Variants in ACBD7 observed in about 807,000 individuals in gnomAD.
The protein encoded by ACBD7 is acyl-CoA binding domain containing 7.
ACBD7 carries 11 observed loss-of-function variants against 13.7 expected under a neutral mutation model. The ratio of observed to expected loss-of-function variants is 0.80; its 90% CI spans 0.50 to 1.33. The LOEUF (loss-of-function observed/expected upper bound fraction) is 1.33, where lower values mean the gene tolerates loss of function less well. Among genes scored for constraint, ACBD7 ranks in the 40% most tolerant of loss-of-function variants. The pLI, the probability that ACBD7 is intolerant of heterozygous loss-of-function variation, is 0.00. For synonymous variants in ACBD7, 43 were observed against 37.7 expected (o/e 1.14, Z -0.51); for missense variants, 111 against 103.0 (o/e 1.08, Z -0.33).
Position 15,076,953 on chromosome 10 carries a change from G to A in ACBD7, c.*1577C>T, listed in dbSNP as rs1193633241. On this transcript the variant is annotated 3_prime_UTR_variant, in exon 4 of 4. Transcript: ENST00000356189. ...TCTAAAAAGTCAAAAAACAACAGAT[G>A]TGGAGAAAAGGGAATGCTTATACAC... is the stretch of plus-strand genomic sequence containing the variant. 1 of 981,988 alleles carries A rather than the reference G, an allele frequency of 1.0e-6. No homozygotes were observed. Among genetic ancestry groups the A allele is most frequent in the Non-Finnish European group, 1.2e-6 (1 of 826,842 alleles). 60.8% of individuals were successfully genotyped at this position (981,988 alleles called of 1,614,324 possible). A position where few individuals can be genotyped will look rare whatever the true frequency, so the allele number is the denominator to read the frequency against.
intron 1 of ACBD7, among the ~76,000 whole-genome samples, chr10:15,088,044 AT>A (rs1483022893): frequency 1.3e-5 from 2 of 152,168 alleles, no homozygotes; most frequent in African/African-American, 2.4e-5. Flanking sequence ...ATATTTAATA[AT>A]GAGAAAATGC....
chr10:15,082,023 C>T (rs1464961802), intron 1 of ACBD7, among the ~76,000 whole-genome samples: 3 of 152,200 alleles, frequency 2.0e-5, no homozygotes, highest in Non-Finnish European at 4.4e-5. Flanking sequence ...CGCAGTGGCT[C>T]ACACCTGTAA....
intron 1 of ACBD7, among the ~76,000 whole-genome samples, chr10:15,084,053 C>T (rs530134970): frequency 6.6e-6 from 1 of 152,242 alleles, no homozygotes; most frequent in Non-Finnish European, 1.5e-5. Flanking sequence ...CGGGAAGGTA[C>T]GGAACGGAAA....
In ACBD7 at chr10:15,078,970, T is replaced by C; in HGVS notation, c.83A>G (p.Glu28Gly). The change falls in exon 2 of 4, where the codon GAA becomes GGA. Residue 28 changes from glutamate to glycine, a missense_variant. Coordinates refer to ENST00000356189, the MANE Select transcript of ACBD7 (RefSeq NM_001039844.3). Reference protein sequence around the residue: ...KARPDDGELKELYGLYKQAIV... With the variant: ...KARPDDGELKGLYGLYKQAIV... ...TGCTTGTTTGTAAAGCCCATAGAGT[T>C]CTTTCAGTTCTCCATCATCTGGTCT... is the stretch of plus-strand genomic sequence containing the variant. 1 of 1,608,028 alleles carries C rather than the reference T, an allele frequency of 6.2e-7. No individual in the cohort carries two copies. The highest frequency in any genetic ancestry group is 8.5e-7 in the Non-Finnish European group (1 of 1,177,044).
chr10:15,085,092 G>A (rs1844794297), intron 1 of ACBD7, among the ~76,000 whole-genome samples: 3 of 152,322 alleles, frequency 2.0e-5, no homozygotes, highest in Non-Finnish European at 1.5e-5. Context: ...TGCAGCCAAT[G>A]CTGAGCTGAT....
Position 15,078,488 on chromosome 10 carries a change from T to C in ACBD7, c.*42A>G, listed in dbSNP as rs374633976. The C allele has an allele frequency of 5.0e-6, 8 of 1,612,814 alleles. No individual in the cohort carries two copies. In the Admixed American group the frequency reaches 6.7e-5, roughly 13 times the overall value. On this transcript the variant is annotated 3_prime_UTR_variant, in exon 4 of 4. Coordinates refer to ENST00000356189, the MANE Select transcript of ACBD7 (RefSeq NM_001039844.3). ...CTCTAAATGTTAGGTCATGATAGCATTTGGAAGTCTTCAAAAGGAAAAATT... is the reference window on the plus strand; with the variant it reads ...CTCTAAATGTTAGGTCATGATAGCACTTGGAAGTCTTCAAAAGGAAAAATT...
Position 15,075,795 on chromosome 10 carries a change from G to A in ACBD7, c.*2735C>T, listed in dbSNP as rs1351508431. Reference sequence around the variant, plus strand: ...TCCAGACCAGCCTGGGCAACATGGTGAAACCCTGTCTCTATGAAAAATACA... The same window carrying A: ...TCCAGACCAGCCTGGGCAACATGGTAAAACCCTGTCTCTATGAAAAATACA... On this transcript the variant is annotated 3_prime_UTR_variant, in exon 4 of 4. Coordinates refer to ENST00000356189, the MANE Select transcript of ACBD7 (RefSeq NM_001039844.3). Among the ~76,000 whole-genome samples the A allele has an allele frequency of 6.6e-6, 1 of 152,010 alleles. No individual in the cohort carries two copies. The highest frequency in any genetic ancestry group is 2.4e-5 in the African/African-American group (1 of 41,402).
intron 1 of ACBD7, among the ~76,000 whole-genome samples, chr10:15,080,667 C>A (rs982987076): frequency 6.6e-6 from 1 of 152,164 alleles, no homozygotes; most frequent in Non-Finnish European, 1.5e-5. Flanking sequence ...CCTAACCCCG[C>A]AAGACCCTCA....
chr10:15,086,297 A>T (rs995607322), intron 1 of ACBD7, among the ~76,000 whole-genome samples: 7 of 151,684 alleles, frequency 4.6e-5, no homozygotes, highest in African/African-American at 1.7e-4. Flanking sequence ...ACAGAGCAAG[A>T]CACCATCTCA....
At chr10:15,082,976 G>T (rs1475515480) in intron 1 of ACBD7, among the ~76,000 whole-genome samples, 1 of 152,094 alleles carries the variant, frequency 6.6e-6, no homozygotes, top group African/African-American at 2.4e-5. Flanking sequence ...AGCAGAGGTT[G>T]CAGTGAGCCA....
intron 1 of ACBD7, 62 bp from the exon 2 acceptor site, chr10:15,079,102 A>C: frequency 9.7e-7 from 1 of 1,030,514 alleles, no homozygotes; most frequent in Non-Finnish European, 1.4e-6. Context: ...TAGGAACTCA[A>C]AGAGCAGGAA....
Position 15,075,969 on chromosome 10 carries a change from G to A in ACBD7, c.*2561C>T, listed in dbSNP as rs1253255402. ...AGCCTGGGTAACAGAGTGACAGCCT[G>A]TCTCAACAAAAAAAAAAAAAAAAAA... On this transcript the variant is annotated 3_prime_UTR_variant, in exon 4 of 4. Transcript: ENST00000356189. 1 of 430,380 alleles carries A rather than the reference G, an allele frequency of 2.3e-6. No individual in the cohort carries two copies. Among genetic ancestry groups the A allele is most frequent in the Non-Finnish European group, 2.8e-6 (1 of 356,564 alleles). The allele number at this position is 430,380 out of a possible 1,614,324, so 26.7% of individuals were successfully genotyped here. A position where few individuals can be genotyped will look rare whatever the true frequency, so the allele number is the denominator to read the frequency against.
At chr10:15,087,467 T>A (rs1844822849) in intron 1 of ACBD7, among the ~76,000 whole-genome samples, 1 of 152,166 alleles carries the variant, frequency 6.6e-6, no homozygotes, top group South Asian at 2.1e-4. Context: ...CTATGAAATT[T>A]TGTGCATGTA....
chr10:15,079,050 GAACA>G lies in ACBD7; in HGVS notation c.13-14_13-11del, dbSNP rs1440661708. 5.2e-5 allele frequency: 82 copies of G among 1,588,666 alleles called. No homozygotes were observed. The highest frequency in any genetic ancestry group is 1.7e-4 in the South Asian group (15 of 88,184). On this transcript the variant is annotated splice_polypyrimidine_tract_variant and intron_variant, in intron 1 of 3. Coordinates refer to ENST00000356189, the MANE Select transcript of ACBD7 (RefSeq NM_001039844.3). ...CCCTGTCAAAATCAGCCTAAAGGAA[GAACA>G]AACAAACAAACAAAAGGAGCATTTT...
chr10:15,086,091 TGAGGTCAG>T (rs572424571), intron 1 of ACBD7, among the ~76,000 whole-genome samples: 1 of 152,206 alleles, frequency 6.6e-6, no homozygotes, highest in East Asian at 1.9e-4. Context: ...GCAGATCACT[TGAGGTCAG>T]GAGTTCAAGA....
Position 15,076,442 on chromosome 10 carries a change from A to C in ACBD7, c.*2088T>G. On this transcript the variant is annotated 3_prime_UTR_variant, in exon 4 of 4. Coordinates refer to ENST00000356189, the MANE Select transcript of ACBD7 (RefSeq NM_001039844.3). ...TGTCTTAAATGTAAAAATTTAAAGA[A>C]AAATAGATATTCCTATGGGGGCTTT... 1.0e-6 allele frequency: 1 copy of C among 968,502 alleles called. No individual in the cohort carries two copies. Among genetic ancestry groups the C allele is most frequent in the Non-Finnish European group, 1.2e-6 (1 of 814,520 alleles). 60.0% of individuals were successfully genotyped at this position (968,502 alleles called of 1,614,324 possible).
At chr10:15,080,442 T>A (rs1844736955) in intron 1 of ACBD7, among the ~76,000 whole-genome samples, 1 of 151,998 alleles carries the variant, frequency 6.6e-6, no homozygotes, top group Non-Finnish European at 1.5e-5. Flanking sequence ...TAGCTGGGCT[T>A]GGTGGTGCGT....
rs1000098112 is a variant in ACBD7 at position 15,075,989 on chromosome 10, A to G, written c.*2541T>C. 5.2e-5 allele frequency: 33 copies of G among 632,290 alleles called. No homozygotes were observed. The highest frequency in any genetic ancestry group is 2.1e-4 in the South Asian group (3 of 14,234). 39.2% of individuals were successfully genotyped at this position (632,290 alleles called of 1,614,324 possible). On this transcript the variant is annotated 3_prime_UTR_variant, in exon 4 of 4. Coordinates refer to ENST00000356189, the MANE Select transcript of ACBD7 (RefSeq NM_001039844.3). ...AGCCTGTCTCAACAAAAAAAAAAAA[A>G]AAAAAAAAGAAAAGAAAAAGAATGT...
At chr10:15,078,823 A>G in intron 2 of ACBD7, 70 bp from the exon 3 acceptor site, 1 of 1,497,860 alleles carries the variant, frequency 6.7e-7, no homozygotes, top group Non-Finnish European at 9.1e-7. Context: ...CATTGTTCAA[A>G]CGGAGTATAT....
Sources: gnomAD v4.1 joint callset for allele counts (sites outside exome capture counted in the v4.1 genomes callset) on GRCh38, gnomAD v4.1.1 for gene constraint, MANE v1.5 for transcripts, NCBI Gene and HGNC (gene_info 2026-07-23, HGNC 2026-07-21) for gene names.